The following CDK12 variants were observed in gnomAD, a reference collection of about 807,000 sequenced individuals.
The protein encoded by CDK12 is cyclin dependent kinase 12.
Under a neutral mutation model 133.8 loss-of-function variants are expected in CDK12, and 17 were observed. The observed-to-expected ratio is 0.13, with a 90% confidence interval of 0.09 to 0.19. CDK12 has a LOEUF of 0.19. Ranked by LOEUF, CDK12 falls within the 10% of genes least tolerant of loss-of-function variation. CDK12 has a pLI of 1.00. For missense variants in CDK12, 1,508 were observed against 1,818.7 expected, an observed-to-expected ratio of 0.83 and a Z score of 3.11; for synonymous variants, 694 against 683.6, an observed-to-expected ratio of 1.02 and a Z score of -0.24.
At chr17:39,476,396 C>T (rs2050192524) in intron 2 of CDK12, among the ~76,000 whole-genome samples, 3 of 151,404 alleles carry the variant, frequency 2.0e-5, no homozygotes, top group Non-Finnish European at 4.4e-5. Context: ...GGCATGAATC[C>T]CCGTGCCCCA....
At chr17:39,548,976 TC>T (rs1001839203), upstream of CDK12, 2 of 152,010 alleles carry the variant, frequency 1.3e-5, no homozygotes, top group Non-Finnish European at 1.5e-5. Flanking sequence ...CAGCTGGCGC[TC>T]CCCCCAGCAC....
chr17:39,550,566 T>C (rs1214335353), intron 1 of CDK12: 2 of 152,192 alleles, frequency 1.3e-5, no homozygotes, highest in Non-Finnish European at 2.9e-5. Context: ...ACAAGAGCTA[T>C]GGACCATAGA....
upstream of CDK12, among the ~76,000 whole-genome samples, chr17:39,545,217 C>A (rs2055625623): frequency 6.6e-6 from 1 of 151,926 alleles, no homozygotes; most frequent in Non-Finnish European, 1.5e-5. Context: ...ATATACACAG[C>A]CTTGCAGGGT....
intron 2 of CDK12, among the ~76,000 whole-genome samples, chr17:39,474,260 G>A (rs754074451): frequency 1.2e-4 from 18 of 152,258 alleles, no homozygotes; most frequent in South Asian, 2.1e-4. Context: ...AAGTGCCACC[G>A]ATCTTGCATC....
upstream of CDK12, among the ~76,000 whole-genome samples, chr17:39,548,470 C>A (rs1315425297): frequency 6.6e-6 from 1 of 152,124 alleles, no homozygotes; most frequent in Non-Finnish European, 1.5e-5. Context: ...GGTGGAGGTG[C>A]CTGTGGTTTT....
In CDK12 at chr17:39,479,402, G is replaced by C. The variant is rs569008700; in HGVS notation, c.1931+7639G>C. On this transcript the variant is annotated intron_variant, in intron 2 of 13. Transcript: ENST00000447079. Reference sequence around the variant, plus strand: ...TCACTCGAGACTGCAGCAGCATAATGTTGAGAATGTGACTTACACATCATT... The same window carrying C: ...TCACTCGAGACTGCAGCAGCATAATCTTGAGAATGTGACTTACACATCATT... Among the ~76,000 whole-genome samples, 16 of 151,622 alleles carry C rather than the reference G, an allele frequency of 1.1e-4. No homozygotes were observed. The South Asian group carries it at 3.3e-3, about 32-fold the overall frequency.
At chr17:39,502,445 G>A (rs773865109) in intron 6 of CDK12, among the ~76,000 whole-genome samples, 104 of 152,240 alleles carry the variant, frequency 6.8e-4, no homozygotes, top group Non-Finnish European at 1.3e-3. Flanking sequence ...GAGCCACCAC[G>A]CCTGGCCGGT....
At chr17:39,483,719 T>C (rs1159173529) in intron 2 of CDK12, among the ~76,000 whole-genome samples, 1 of 151,342 alleles carries the variant, frequency 6.6e-6, no homozygotes, top group Non-Finnish European at 1.5e-5. Context: ...TATTTATTTA[T>C]TTATTTATTT....
intron 3 of CDK12, among the ~76,000 whole-genome samples, chr17:39,563,731 C>A (rs1011632255): frequency 6.6e-6 from 1 of 151,938 alleles, no homozygotes; most frequent in African/African-American, 2.4e-5. Context: ...GCGAGCAGGG[C>A]TCGGCTGCCA....
At chr17:39,547,927 A>G (rs1263636687), upstream of CDK12, 1 of 152,238 alleles carries the variant, frequency 6.6e-6, no homozygotes, top group Non-Finnish European at 1.5e-5. Context: ...AGAGGGATAG[A>G]GCAAGTGTTA....
At chr17:39,565,185 C>T (rs1349317464), downstream of CDK12, among the ~76,000 whole-genome samples, 1 of 152,182 alleles carries the variant, frequency 6.6e-6, no homozygotes, top group Non-Finnish European at 1.5e-5. Flanking sequence ...GTAATCTCGG[C>T]TCACTGCAAG....
downstream of CDK12, among the ~76,000 whole-genome samples, chr17:39,566,732 T>C (rs2056588906): frequency 6.6e-6 from 1 of 152,110 alleles, no homozygotes; most frequent in Non-Finnish European, 1.5e-5. Context: ...GACACTCAGA[T>C]TCACCCCAGG....
chr17:39,521,533 G>A (rs2054165841), intron 11 of CDK12, among the ~76,000 whole-genome samples: 1 of 152,030 alleles, frequency 6.6e-6, no homozygotes. Flanking sequence ...AAGGTGCCGG[G>A]ATTACAGATG....
intron 2 of CDK12, among the ~76,000 whole-genome samples, chr17:39,474,096 C>T (rs2050008095): frequency 1.3e-5 from 2 of 152,202 alleles, no homozygotes; most frequent in South Asian, 4.1e-4. Flanking sequence ...CTTGACAGGA[C>T]TAACTAGGCA....
Position 39,517,545 on chromosome 17 carries a change from A to G in CDK12, c.2952A>G (p.Glu984=). Residue 984 remains glutamate, a synonymous_variant, in exon 10 of 14, where the codon GAA becomes GAG. Transcript: ENST00000447079. ...PKKQYRRRLR[E]EFSFIPSAAL... is the part of the protein sequence containing the mutation. The stretch of plus-strand genomic sequence containing the variant: ...AGCAATATCGAAGGCGTCTACGAGA[A>G]GAATTCTCTTTGTGAGTTTGGGGAA... The G allele has an allele frequency of 6.3e-7, 1 of 1,593,562 alleles. No homozygotes were observed. The highest frequency in any genetic ancestry group is 8.6e-7 in the Non-Finnish European group (1 of 1,161,296).
intron 6 of CDK12, among the ~76,000 whole-genome samples, chr17:39,508,332 G>C (rs1283753708): frequency 6.6e-6 from 1 of 152,084 alleles, no homozygotes; most frequent in Non-Finnish European, 1.5e-5. Context: ...CAGTGAGCTG[G>C]CTTTTCATGT....
At chr17:39,473,824 G>A (rs1716977452) in intron 2 of CDK12, among the ~76,000 whole-genome samples, 1 of 151,992 alleles carries the variant, frequency 6.6e-6, no homozygotes. Context: ...GGTGGAGGTT[G>A]CAGTGAGCTG....
At chr17:39,562,813 A>G (rs1597733810) in intron 3 of CDK12, among the ~76,000 whole-genome samples, 1 of 144,018 alleles carries the variant, frequency 6.9e-6, no homozygotes, top group South Asian at 2.3e-4. Context: ...CTGCTTTTCC[A>G]CTCTCAACTT....
intron 2 of CDK12, among the ~76,000 whole-genome samples, chr17:39,555,234 C>T (rs950068064): frequency 6.6e-6 from 1 of 152,186 alleles, no homozygotes; most frequent in Non-Finnish European, 1.5e-5. Flanking sequence ...GCCTGGGCAA[C>T]AGAGCGAGAC....
Sources: allele counts gnomAD v4.1 joint callset (sites outside exome capture counted in the v4.1 genomes callset), GRCh38; gene constraint gnomAD v4.1.1; transcripts MANE v1.5; gene names NCBI Gene and HGNC (gene_info 2026-07-23, HGNC 2026-07-21).